Variants in ANKMY2 observed in about 807,000 individuals in gnomAD.
ANKMY2 encodes the protein ankyrin repeat and MYND domain containing 2, also known as ankyrin repeat and MYND domain-containing protein 2.
ANKMY2 carries 36 observed loss-of-function variants against 50.4 expected under a neutral mutation model. The observed-to-expected ratio is 0.71, with a 90% CI of 0.55 to 0.94. The LOEUF (loss-of-function observed/expected upper bound fraction) is 0.94, where lower values mean the gene tolerates loss of function less well. ANKMY2 is among the 40% of genes least tolerant of loss of function. The pLI, the probability that ANKMY2 is intolerant of heterozygous loss-of-function variation, is 0.00. For missense variants in ANKMY2, 565 were observed against 524.0 expected (o/e 1.08, Z -0.76); for synonymous variants, 187 against 178.8 (o/e 1.05, Z -0.36).
intron 5 of ANKMY2, among the ~76,000 whole-genome samples, chr7:16,613,707 G>A (rs553515729): frequency 5.3e-5 from 8 of 152,080 alleles, no homozygotes; most frequent in African/African-American, 1.9e-4. Flanking sequence ...CTGAAAGACT[G>A]GGTTCCAAGT....
chr7:16,643,904 G>A (rs993107847), intron 1 of ANKMY2, among the ~76,000 whole-genome samples: 4 of 149,378 alleles, frequency 2.7e-5, no homozygotes, highest in African/African-American at 1.0e-4. Flanking sequence ...GCCGGGCATG[G>A]TGGCTCGCAC....
chr7:16,624,906 T>G (rs1781488887), intron 4 of ANKMY2, 77 bp downstream of exon 4: 3 of 1,242,280 alleles, frequency 2.4e-6, no homozygotes, highest in Non-Finnish European at 2.3e-6. Flanking sequence ...ATTTTCACCA[T>G]GAGAAGCAAA....
At chr7:16,634,746 G>A (rs996959813) in intron 2 of ANKMY2, among the ~76,000 whole-genome samples, 5 of 152,118 alleles carry the variant, frequency 3.3e-5, no homozygotes, top group African/African-American at 4.8e-5. Context: ...TAGAGGACAA[G>A]GAAGTGCCTT....
chr7:16,639,595 T>C (rs572390186), intron 1 of ANKMY2, among the ~76,000 whole-genome samples: 1 of 152,076 alleles, frequency 6.6e-6, no homozygotes. Context: ...ATGGACAACA[T>C]AGTGAGACCC....
At chr7:16,616,573 C>CTT (rs1562771276) in intron 4 of ANKMY2, among the ~76,000 whole-genome samples, 1 of 150,860 alleles carries the variant, frequency 6.6e-6, no homozygotes, top group African/African-American at 2.5e-5. Flanking sequence ...TCCTGCGGCG[C>CTT]CCCCCCCTCC....
At chr7:16,638,098 G>C (rs1781692504) in intron 1 of ANKMY2, among the ~76,000 whole-genome samples, 7 of 152,222 alleles carry the variant, frequency 4.6e-5, no homozygotes, top group Admixed American at 3.3e-4. Context: ...TCACTCAATA[G>C]TCTCAATCCT....
chr7:16,636,502 T>A (rs772035788), intron 1 of ANKMY2, 47 bp from the exon 2 acceptor site: 4 of 1,447,194 alleles, frequency 2.8e-6, no homozygotes, highest in Non-Finnish European at 3.8e-6. Context: ...GTCACTAGAA[T>A]AAGAGAAAAA....
At chr7:16,644,732 C>G in intron 1 of ANKMY2, 1 of 470,962 alleles carries the variant, frequency 2.1e-6, no homozygotes, top group Non-Finnish European at 4.4e-6. Context: ...GACGTCCACT[C>G]GGGGACTCCG....
chr7:16,628,935 A>G, intron 2 of ANKMY2, among the ~76,000 whole-genome samples: 1 of 152,110 alleles, frequency 6.6e-6, no homozygotes, highest in Admixed American at 6.5e-5. Flanking sequence ...AACAAAACAA[A>G]ACAAAACAAA....
At chr7:16,645,465 G>T in intron 1 of ANKMY2, 42 bp downstream of exon 1, 1 of 1,568,622 alleles carries the variant, frequency 6.4e-7, no homozygotes, top group Admixed American at 1.9e-5. Context: ...CACGCCCCCC[G>T]GCCAGGCTGG....
chr7:16,621,976 T>A (rs143090435), intron 4 of ANKMY2, among the ~76,000 whole-genome samples: 3,487 of 146,106 alleles, frequency 0.024, 110 homozygotes, highest in East Asian at 0.15. Flanking sequence ...CTCAAAAAAA[T>A]AAATAAATAA....
intron 6 of ANKMY2, among the ~76,000 whole-genome samples, chr7:16,610,179 G>C (rs1701867804): frequency 6.6e-6 from 1 of 152,152 alleles, no homozygotes; most frequent in Admixed American, 6.5e-5. Context: ...CCAAGATACA[G>C]TAACAGAGAC....
At chr7:16,633,549 G>A (rs1781616367) in intron 2 of ANKMY2, among the ~76,000 whole-genome samples, 1 of 151,664 alleles carries the variant, frequency 6.6e-6, no homozygotes, top group Non-Finnish European at 1.5e-5. Flanking sequence ...ATTATTTAGA[G>A]ACAAAAAAAC....
At chr7:16,603,441 G>T (rs1239192993) in intron 8 of ANKMY2, 1 of 336,000 alleles carries the variant, frequency 3.0e-6, no homozygotes. Flanking sequence ...GCAGGAACAG[G>T]GAAGTGAATG....
intron 7 of ANKMY2, 101 bp downstream of exon 7, chr7:16,609,528 GA>G (rs751949039): frequency 2.1e-4 from 275 of 1,280,798 alleles, no homozygotes; most frequent in Admixed American, 2.6e-4. Context: ...AAAATATTCT[GA>G]AATAATAAAA....
chr7:16,627,552 C>T (rs1173271081), intron 2 of ANKMY2, among the ~76,000 whole-genome samples: 1 of 152,118 alleles, frequency 6.6e-6, no homozygotes, highest in Non-Finnish European at 1.5e-5. Flanking sequence ...CAAATAATGC[C>T]TCTCAAGGGG....
intron 1 of ANKMY2, among the ~76,000 whole-genome samples, chr7:16,643,505 CCAATGAAAG>C (rs1208713790): frequency 1.3e-5 from 2 of 152,142 alleles, no homozygotes; most frequent in East Asian, 3.9e-4. Flanking sequence ...TTGGCATGGT[CCAATGAAAG>C]CGATGAAAGC....
chr7:16,625,055 A>G lies in ANKMY2; in HGVS notation c.298T>C (p.Leu100=). The G allele has an allele frequency of 1.2e-6, 2 of 1,614,070 alleles. No individual in the cohort carries two copies. Among genetic ancestry groups the G allele is most frequent in the Non-Finnish European group, 1.7e-6 (2 of 1,179,962 alleles). Residue 100 remains leucine (L), a synonymous_variant, in exon 4 of 10, where the codon TTA becomes CTA. Transcript: ENST00000306999. Reference sequence around the variant, plus strand: ...ACATCTGTCTCAGCACCAGCTTCTAACATTACCCATGTGATGTCTTTATTA... The same window carrying G: ...ACATCTGTCTCAGCACCAGCTTCTAGCATTACCCATGTGATGTCTTTATTA... The part of the protein sequence containing the change: ...SGNKDITWVM[L]EAGAETDVVN...
At chr7:16,617,884 T>C (rs1002396485) in intron 4 of ANKMY2, among the ~76,000 whole-genome samples, 1 of 150,840 alleles carries the variant, frequency 6.6e-6, no homozygotes, top group Non-Finnish European at 1.5e-5. Context: ...GGAGGATTGC[T>C]TGGGGCCAGG....
Sources: allele counts gnomAD v4.1 joint callset (sites outside exome capture counted in the v4.1 genomes callset), GRCh38; gene constraint gnomAD v4.1.1; transcripts MANE v1.5; gene names NCBI Gene and HGNC (gene_info 2026-07-23, HGNC 2026-07-21).